Variants in ABCG5 observed in about 807,000 individuals in gnomAD.
ABCG5 encodes the protein ATP binding cassette subfamily G member 5.
ABCG5 carries 64 observed loss-of-function variants against 64.5 expected under a neutral mutation model. The ratio of observed to expected loss-of-function variants is 0.99; its 90% CI spans 0.81 to 1.22. The LOEUF (loss-of-function observed/expected upper bound fraction) is 1.22, where lower values mean the gene tolerates loss of function less well. ABCG5 is among the 50% of genes most tolerant of loss of function. ABCG5 has a pLI of 0.00. For synonymous variants in ABCG5, 385 were observed against 326.3 expected, an observed-to-expected ratio of 1.18 and a Z score of -1.94; for missense variants, 908 against 829.5, an observed-to-expected ratio of 1.09 and a Z score of -1.16.
At chr2:43,823,677 C>T (rs532253360) in intron 9 of ABCG5, among the ~76,000 whole-genome samples, 1 of 152,292 alleles carries the variant, frequency 6.6e-6, no homozygotes, top group South Asian at 2.1e-4. Flanking sequence ...CCCACCAGTA[C>T]ATTGTCACTT....
In ABCG5 at chr2:43,814,606, C is replaced by T. The variant is rs759334134; in HGVS notation, c.1650-17G>A. On this transcript the variant is annotated splice_polypyrimidine_tract_variant and intron_variant, in intron 11 of 12. Transcript: ENST00000405322. ...TGTATGTTTCTTAAGAAAAAGAAAA[C>T]AAAAATGAAATTCAGTAGGCTCTGG... The T allele has an allele frequency of 1.3e-6, 2 of 1,490,942 alleles. No individual in the cohort carries two copies. The highest frequency in any genetic ancestry group is 9.3e-7 in the Non-Finnish European group (1 of 1,069,850). The allele number at this position is 1,490,942 out of a possible 1,614,324, so 92.4% of individuals were successfully genotyped here.
intron 4 of ABCG5, among the ~76,000 whole-genome samples, chr2:43,828,976 T>TA (rs1667803638): frequency 1.3e-5 from 2 of 151,492 alleles, no homozygotes; most frequent in African/African-American, 2.4e-5. Flanking sequence ...AAAAAAATAA[T>TA]AATAAATAAA....
rs1409839096 is a variant in ABCG5, at chr2:43,831,974, G to C, written c.375C>G (p.Phe125Leu). ...VNGRALRREQFQDCFSYVLQS... is the reference protein window; with the variant it reads ...VNGRALRREQLQDCFSYVLQS... ...GCAGGACGTAGGAGAAGCAGTCCTG[G>C]AACTGCTCCCGGCGCAGCGCCCGGC... The change falls in exon 3 of 13, where the codon TTC (phenylalanine) becomes TTG (leucine). Residue 125 changes from phenylalanine to leucine, a missense_variant. Phe to Leu is a conservative substitution (Grantham distance 22). Transcript: ENST00000405322. 1 of 1,551,878 alleles carries C rather than the reference G, an allele frequency of 6.4e-7. No individual in the cohort carries two copies. Among genetic ancestry groups the C allele is most frequent in the South Asian group, 1.2e-5 (1 of 84,132 alleles).
Position 43,814,457 on chromosome 2 carries a change from T to C in ABCG5, c.1762+20A>G. On this transcript the variant is annotated intron_variant, in intron 12 of 12. Transcript: ENST00000405322. ...CTCAGAGTAACATGCAAAAATAATA[T>C]CCCCAAATAGAATACTTACCACAAG... The C allele has an allele frequency of 6.7e-7, 1 of 1,489,860 alleles. No individual in the cohort carries two copies. Among genetic ancestry groups the C allele is most frequent in the Non-Finnish European group, 9.4e-7 (1 of 1,067,664 alleles). The allele number at this position is 1,489,860 out of a possible 1,614,324, so 92.3% of individuals were successfully genotyped here. A position where few individuals can be genotyped will look rare whatever the true frequency, so the allele number is the denominator to read the frequency against.
intron 11 of ABCG5, among the ~76,000 whole-genome samples, chr2:43,816,463 C>G (rs930424954): frequency 6.6e-6 from 1 of 152,194 alleles, no homozygotes; most frequent in African/African-American, 2.4e-5. Flanking sequence ...GTGAAAGGCA[C>G]AGACAGAAGG....
intron 11 of ABCG5, among the ~76,000 whole-genome samples, chr2:43,814,847 T>C (rs1666714292): frequency 1.3e-5 from 2 of 152,202 alleles, no homozygotes; most frequent in African/African-American, 4.8e-5. Flanking sequence ...TAAATGGAAT[T>C]AAACTCTTCA....
At chr2:43,833,176 A>G (rs892507815) in intron 2 of ABCG5, among the ~76,000 whole-genome samples, 8 of 152,044 alleles carry the variant, frequency 5.3e-5, no homozygotes, top group African/African-American at 1.4e-4. Flanking sequence ...ATTGGACACA[A>G]GTTTACCATA....
intron 4 of ABCG5, 136 bp downstream of exon 4, chr2:43,831,633 A>G: frequency 1.1e-6 from 1 of 874,534 alleles, no homozygotes. Context: ...TGCACGGTGC[A>G]GGACGCAGGG....
Position 43,824,118 on chromosome 2 carries a change from C to T in ABCG5, c.1119G>A (p.Arg373=). The T allele has an allele frequency of 1.2e-6, 2 of 1,614,202 alleles. No individual in the cohort carries two copies. Among genetic ancestry groups the T allele is most frequent in the East Asian group, 2.2e-5 (1 of 44,888 alleles). The change falls in exon 9 of 13, where the codon AGG becomes AGA. Residue 373 remains arginine (R), a splice_region_variant and synonymous_variant. Coordinates refer to ENST00000405322, the MANE Select transcript of ABCG5 (RefSeq NM_022436.3). ...TTCTCACCAAGTTTCTTGTCACTCT[C>T]CTGAAAACAAACAACCCTGTTTTAA... ...GVFSKLGVLL[R]RVTRNLVRNK...
downstream of ABCG5, chr2:43,809,606 A>G (rs1046625393): frequency 9.3e-6 from 7 of 753,560 alleles, no homozygotes; most frequent in African/African-American, 1.1e-4. Context: ...GCTACTAAGG[A>G]TTCATTGATA....
chr2:43,809,922 T>C (rs965105481), downstream of ABCG5: 5 of 1,378,096 alleles, frequency 3.6e-6, no homozygotes, highest in Non-Finnish European at 4.7e-6. Context: ...TCTCCCTGTA[T>C]ATCTTGAAGC....
Position 43,819,898 on chromosome 2 carries a change from G to C in ABCG5, c.1649+17C>G. 9.3e-6 allele frequency: 15 copies of C among 1,613,496 alleles called. No homozygotes were observed. The highest frequency in any genetic ancestry group is 1.3e-5 in the Non-Finnish European group (15 of 1,179,630). ...CAGATTATCCCAATCTAAATTTTTTGAATTATGATATCTTACCTGAGGAAT... is the reference window on the plus strand; with the variant it reads ...CAGATTATCCCAATCTAAATTTTTTCAATTATGATATCTTACCTGAGGAAT... On this transcript the variant is annotated intron_variant, in intron 11 of 12. Transcript: ENST00000405322.
chr2:43,823,839 T>A, intron 9 of ABCG5, 74 bp downstream of exon 9: 1 of 1,539,554 alleles, frequency 6.5e-7, no homozygotes, highest in Non-Finnish European at 8.9e-7. Flanking sequence ...AATGGTAGAC[T>A]TTTGTAAGGT....
In ABCG5 at chr2:43,831,877, A is replaced by G. The variant is rs1369944518; in HGVS notation, c.403-10T>C. On this transcript the variant is annotated splice_polypyrimidine_tract_variant and intron_variant, in intron 3 of 12. Transcript: ENST00000405322. ...TCAGCAGGGTGTCGCTCTGCAGGAG[A>G]CTCGGGCGTCAGTGTAGCCTAAGCC... 1.8e-5 allele frequency: 27 copies of G among 1,531,420 alleles called. No individual in the cohort carries two copies. The highest frequency in any genetic ancestry group is 2.3e-5 in the Non-Finnish European group (26 of 1,139,150). The allele number at this position is 1,531,420 out of a possible 1,614,324, so 94.9% of individuals were successfully genotyped here. A position where few individuals can be genotyped will look rare whatever the true frequency, so the allele number is the denominator to read the frequency against.
intron 5 of ABCG5, among the ~76,000 whole-genome samples, chr2:43,827,357 T>G (rs2104838060): frequency 6.6e-6 from 1 of 151,194 alleles, no homozygotes; most frequent in Middle Eastern, 3.5e-3. Flanking sequence ...CAAGAGCTGT[T>G]AAAAACATCT....
chr2:43,823,222 G>A (rs1345979633), intron 9 of ABCG5, among the ~76,000 whole-genome samples: 3 of 152,070 alleles, frequency 2.0e-5, no homozygotes, highest in Non-Finnish European at 4.4e-5. Flanking sequence ...TGCAAAAGGG[G>A]CATGAATAAG....
At chr2:43,830,878 A>G (rs966367544) in intron 4 of ABCG5, among the ~76,000 whole-genome samples, 2 of 152,258 alleles carry the variant, frequency 1.3e-5, no homozygotes, top group African/African-American at 4.8e-5. Flanking sequence ...GAAGGAGTTG[A>G]CAATTCAATC....
intron 6 of ABCG5, 74 bp from the exon 7 acceptor site, chr2:43,825,092 T>C (rs1667511564): frequency 6.4e-7 from 1 of 1,573,012 alleles, no homozygotes; most frequent in Non-Finnish European, 8.7e-7. Flanking sequence ...CTGGGAACAC[T>C]GATGCAGGGC....
At chr2:43,836,710 A>C (rs1382418888) in intron 2 of ABCG5, among the ~76,000 whole-genome samples, 1 of 152,198 alleles carries the variant, frequency 6.6e-6, no homozygotes, top group Non-Finnish European at 1.5e-5. Flanking sequence ...CAGGGGCACA[A>C]ACACCGACTG....
Sources: allele counts gnomAD v4.1 joint callset (sites outside exome capture counted in the v4.1 genomes callset), GRCh38; gene constraint gnomAD v4.1.1; transcripts MANE v1.5; gene names NCBI Gene and HGNC (gene_info 2026-07-23, HGNC 2026-07-21).